MS4A4E: variants seen among roughly 807,000 people sequenced by gnomAD.
MS4A4E encodes membrane spanning 4-domains A4E, also known as putative membrane-spanning 4-domains subfamily A member 4E.
Under a neutral mutation model 13.3 loss-of-function variants are expected in MS4A4E, and 23 were observed. That is an observed-to-expected ratio of 1.73 (90% CI 1.25 to 2.45). The LOEUF (loss-of-function observed/expected upper bound fraction) is 2.45, where lower values mean the gene tolerates loss of function less well. Among genes scored for constraint, MS4A4E ranks in the 30% most tolerant of loss-of-function variants. The pLI is 0.00. For synonymous variants in MS4A4E, 36 were observed against 45.6 expected, an observed-to-expected ratio of 0.79 and a Z score of 0.85; for missense variants, 144 against 131.2, an observed-to-expected ratio of 1.10 and a Z score of -0.48.
chr11:60,230,190 T>A, intron 1 of MS4A4E, 119 bp from the exon 2 acceptor site: 1 of 1,136,898 alleles, frequency 8.8e-7, no homozygotes, highest in Non-Finnish European at 1.2e-6. Context: ...TCCAATATTA[T>A]AACAGTTGTT....
chr11:60,239,408 C>A (rs1590732795), intron 1 of MS4A4E, among the ~76,000 whole-genome samples: 1 of 152,184 alleles, frequency 6.6e-6, no homozygotes, highest in Non-Finnish European at 1.5e-5. Flanking sequence ...TCCTCTAACA[C>A]TTCCTACCAC....
chr11:60,241,741 A>C (rs2084554865), intron 1 of MS4A4E, among the ~76,000 whole-genome samples: 1 of 152,178 alleles, frequency 6.6e-6, no homozygotes, highest in South Asian at 2.1e-4. Flanking sequence ...ATATTTTTTA[A>C]CTGCAGAGAA....
chr11:60,212,991 T>C lies in MS4A4E; in HGVS notation c.364A>G (p.Thr122Ala). ...HDQLSSNCYMTMSILMGTDGM... is the reference protein window; with the variant it reads ...HDQLSSNCYMAMSILMGTDGM... ...ACACTCACCATTAAAATGGACATAG[T>C]CATGTAACAATTACTTGACAACTGA... Residue 122 changes from threonine (T) to alanine (A), a missense_variant, in exon 5 of 9, where the codon ACT (threonine) becomes GCT (alanine). This residue lies in a region of MS4A4E where 119 missense variants were observed against 88.7 expected (regional missense o/e 1.34). Coordinates refer to ENST00000651255, the MANE Select transcript of MS4A4E (RefSeq NM_001393391.1). The C allele has an allele frequency of 3.0e-6, 1 of 336,948 alleles. No homozygotes were observed. 20.9% of individuals were successfully genotyped at this position (336,948 alleles called of 1,614,324 possible). A position where few individuals can be genotyped will look rare whatever the true frequency, so the allele number is the denominator to read the frequency against.
chr11:60,243,010 G>C lies in MS4A4E; in HGVS notation c.-69C>G, dbSNP rs1290002962. The C allele has an allele frequency of 1.3e-6, 2 of 1,540,518 alleles. No individual in the cohort carries two copies. Among genetic ancestry groups the C allele is most frequent in the Non-Finnish European group, 8.8e-7 (1 of 1,133,650 alleles). ...CAGGTCTGATGAGTGCAGGGCTCTG[G>C]GCAAGTTCCTCAAAGTTCTTTGTTC... is the stretch of plus-strand genomic sequence containing the variant. On this transcript the variant is annotated 5_prime_UTR_variant, in exon 1 of 9. Coordinates refer to ENST00000651255, the MANE Select transcript of MS4A4E (RefSeq NM_001393391.1).
At chr11:60,227,823 G>A (rs1217645618) in intron 3 of MS4A4E, among the ~76,000 whole-genome samples, 2 of 151,350 alleles carry the variant, frequency 1.3e-5, no homozygotes, top group Non-Finnish European at 2.9e-5. Flanking sequence ...CTTTGATAAA[G>A]AACTAAGATA....
rs777943601 is a variant in MS4A4E at position 60,229,957 on chromosome 11, T to C, written c.99A>G (p.Lys33=). Residue 33 remains lysine (K), a synonymous_variant, in exon 2 of 9, where the codon AAA becomes AAG. Transcript: ENST00000651255. ...NIDVIHSYLC[K]GLQEKFFKRK... ...TCTTGAAGAACTTCTCTTGCAATCC[T>C]TTACACAGATATGAATGTATGACAT... is the stretch of plus-strand genomic sequence containing the variant. 1 of 1,613,240 alleles carries C rather than the reference T, an allele frequency of 6.2e-7. No individual in the cohort carries two copies. Among genetic ancestry groups the C allele is most frequent in the Non-Finnish European group, 8.5e-7 (1 of 1,179,646 alleles).
chr11:60,235,499 A>T (rs2084471345), intron 1 of MS4A4E, among the ~76,000 whole-genome samples: 1 of 152,226 alleles, frequency 6.6e-6, no homozygotes, highest in Non-Finnish European at 1.5e-5. Flanking sequence ...TGTTCCCTTT[A>T]GATCTTGCCA....
chr11:60,234,777 A>AG (rs1565129265), intron 1 of MS4A4E, among the ~76,000 whole-genome samples: 2 of 112,012 alleles, frequency 1.8e-5, no homozygotes, highest in Admixed American at 9.2e-5. Flanking sequence ...TACAAAAACA[A>AG]CCCCCCCCCC....
In MS4A4E at chr11:60,228,659, C is replaced by T. The variant is rs962357673; in HGVS notation, c.145-32G>A. ...ACAGATATTTATAGCAACGTTACTC[C>T]TAATTGCCAAAGTTTGGAAGCCATC... On this transcript the variant is annotated intron_variant, in intron 2 of 8. Transcript: ENST00000651255. 1.3e-5 allele frequency: 9 copies of T among 693,196 alleles called. No individual in the cohort carries two copies. The African/African-American group carries it at 1.6e-4, about 12-fold the overall frequency. 42.9% of individuals were successfully genotyped at this position (693,196 alleles called of 1,614,324 possible).
intron 4 of MS4A4E, chr11:60,213,404 A>C: frequency 2.7e-6 from 3 of 1,103,946 alleles, no homozygotes; most frequent in Non-Finnish European, 2.6e-6. Flanking sequence ...TTAGCTGGAC[A>C]GTCATGTCTG....
chr11:60,206,049 A>G (rs761580709), intron 6 of MS4A4E, among the ~76,000 whole-genome samples: 1 of 152,174 alleles, frequency 6.6e-6, no homozygotes, highest in African/African-American at 2.4e-5. Context: ...TGCACATGCA[A>G]GGACTGACTA....
chr11:60,205,594 A>T (rs1280319009), intron 7 of MS4A4E, among the ~76,000 whole-genome samples, 120 bp downstream of exon 7: 1 of 152,210 alleles, frequency 6.6e-6, no homozygotes, highest in Non-Finnish European at 1.5e-5. Flanking sequence ...TGCTGAAGAG[A>T]AATATGAAGC....
Position 60,201,171 on chromosome 11 carries a change from A to C in MS4A4E, c.*372T>G, listed in dbSNP as rs2083982146. ...GGCTGGCCGGGTAGAGGGGCTCCTC[A>C]CTTCCCAGTAGGGGCGGCTGGGCAG... On this transcript the variant is annotated 3_prime_UTR_variant, in exon 9 of 9. Coordinates refer to ENST00000651255, the MANE Select transcript of MS4A4E (RefSeq NM_001393391.1). The C allele has an allele frequency of 8.1e-6, 1 of 123,098 alleles. No individual in the cohort carries two copies. Among genetic ancestry groups the C allele is most frequent in the African/African-American group, 3.3e-5 (1 of 30,620 alleles). 7.6% of individuals were successfully genotyped at this position (123,098 alleles called of 1,614,324 possible).
intron 1 of MS4A4E, among the ~76,000 whole-genome samples, chr11:60,239,228 T>C (rs650853): frequency 0.91 from 138,978 of 152,248 alleles, 63,576 homozygotes; most frequent in Non-Finnish European, 0.94. Context: ...GTAACTCTAC[T>C]CTGTGAATAA....
At chr11:60,217,735 A>T (rs934647372) in intron 3 of MS4A4E, among the ~76,000 whole-genome samples, 1 of 152,158 alleles carries the variant, frequency 6.6e-6, no homozygotes, top group Admixed American at 6.5e-5. Flanking sequence ...CACTTCCTCA[A>T]TCAATACCCT....
chr11:60,221,782 C>A (rs1005644975), intron 3 of MS4A4E, among the ~76,000 whole-genome samples: 1 of 152,168 alleles, frequency 6.6e-6, no homozygotes, highest in Non-Finnish European at 1.5e-5. Flanking sequence ...TGTGAATGGA[C>A]CTCTCCGAGT....
chr11:60,205,963 A>G (rs564114708), intron 6 of MS4A4E, among the ~76,000 whole-genome samples, 143 bp from the exon 7 acceptor site: 1 of 152,304 alleles, frequency 6.6e-6, no homozygotes, highest in East Asian at 1.9e-4. Context: ...AAGAAGAAAA[A>G]ATAGAAAATA....
At chr11:60,233,101 T>A (rs7936120) in intron 1 of MS4A4E, among the ~76,000 whole-genome samples, 52,039 of 151,548 alleles carry the variant, frequency 0.34, 9,595 homozygotes, top group South Asian at 0.51. Flanking sequence ...CCCCAGGGGG[T>A]CATTTCTGCA....
At chr11:60,237,346 T>C (rs146200576) in intron 1 of MS4A4E, among the ~76,000 whole-genome samples, 89 of 152,358 alleles carry the variant, frequency 5.8e-4, no homozygotes, top group Non-Finnish European at 4.1e-4. Context: ...TCCAGCCTAC[T>C]ATTGATGGGC....
Sources: gnomAD v4.1 joint callset for allele counts (sites outside exome capture counted in the v4.1 genomes callset) on GRCh38, gnomAD v4.1.1 for gene constraint, gnomAD v4.1.1 regional missense constraint, MANE v1.5 for transcripts, NCBI Gene and HGNC (gene_info 2026-07-23, HGNC 2026-07-21) for gene names.